Variants in APOO observed in about 807,000 individuals in gnomAD.
The protein encoded by APOO is apolipoprotein O, also known as MICOS complex subunit MIC26.
Under a neutral mutation model 23.1 loss-of-function variants are expected in APOO, and 11 were observed. That is an observed-to-expected ratio of 0.48 (90% CI 0.30 to 0.79). APOO has a LOEUF of 0.79. Among genes scored for constraint, APOO ranks in the 30% least tolerant of loss-of-function variants. The probability of loss-of-function intolerance (pLI) is 0.07; values close to 1 mark genes in which losing one functional copy is unlikely to be tolerated. For missense variants in APOO, 160 were observed against 142.7 expected (o/e 1.12, Z -0.62); for synonymous variants, 59 against 54.8 (o/e 1.08, Z -0.34).
intron 1 of APOO, among the ~76,000 whole-genome samples, chrX:23,881,791 A>C (rs1482205733): frequency 9.8e-6 from 1 of 101,866 alleles, no homozygotes; most frequent in Non-Finnish European, 2.0e-5. Context: ...ACAAAAAAAA[A>C]AAAAAAATTA....
At chrX:23,885,407 A>G (rs1470464419) in intron 1 of APOO, among the ~76,000 whole-genome samples, 1 of 105,692 alleles carries the variant, frequency 9.5e-6, no homozygotes, top group Non-Finnish European at 1.9e-5. Flanking sequence ...ATATATAAAT[A>G]TATAACTATA....
chrX:23,887,987 T>C (rs751397205), intron 1 of APOO, among the ~76,000 whole-genome samples: 2 of 112,118 alleles, frequency 1.8e-5, no homozygotes, highest in South Asian at 3.7e-4. Flanking sequence ...AAACGAAAAT[T>C]TGGCTTAAAG....
chrX:23,894,854 T>A (rs1926829010), intron 1 of APOO, among the ~76,000 whole-genome samples: 1 of 109,443 alleles, frequency 9.1e-6, no homozygotes, highest in African/African-American at 3.3e-5. Flanking sequence ...TGGTAAAGAA[T>A]AGAGAATGGG....
chrX:23,886,357 T>C (rs1332641921), intron 1 of APOO, among the ~76,000 whole-genome samples: 1 of 112,025 alleles, frequency 8.9e-6, no homozygotes, highest in Non-Finnish European at 1.9e-5. Context: ...ACAAGTGAAC[T>C]TTCTGGGGTG....
chrX:23,906,179 G>C (rs1249982812), intron 1 of APOO, among the ~76,000 whole-genome samples: 1 of 112,664 alleles, frequency 8.9e-6, no homozygotes, highest in Non-Finnish European at 1.9e-5. Flanking sequence ...CCCAGACATG[G>C]GAGTGAAGCC....
intron 7 of APOO, among the ~76,000 whole-genome samples, chrX:23,847,283 G>A (rs1924287023): frequency 9.0e-6 from 1 of 111,721 alleles, no homozygotes; most frequent in African/African-American, 3.2e-5. Context: ...TATCAAATAT[G>A]TTTAAATCTA....
At chrX:23,886,804 T>C (rs929328341) in intron 1 of APOO, among the ~76,000 whole-genome samples, 7 of 111,823 alleles carry the variant, frequency 6.3e-5, no homozygotes, top group African/African-American at 2.3e-4. Flanking sequence ...TCATCACAAA[T>C]GGCCATCTTC....
At chrX:23,846,301 A>T (rs1601885737) in intron 7 of APOO, among the ~76,000 whole-genome samples, 2 of 71,807 alleles carry the variant, frequency 2.8e-5, no homozygotes, top group African/African-American at 1.3e-4. Context: ...ACAGAGCGAG[A>T]CTCCATCTCA....
intron 1 of APOO, among the ~76,000 whole-genome samples, chrX:23,881,325 T>G (rs1363942585): frequency 9.2e-6 from 1 of 109,104 alleles, no homozygotes; most frequent in East Asian, 2.9e-4. Context: ...TTCGCCCGCC[T>G]CGGCCTCCCA....
At chrX:23,883,576 G>A (rs775775562) in intron 1 of APOO, 70 of 111,607 alleles carry the variant, frequency 6.3e-4, no homozygotes, top group African/African-American at 2.1e-3. Context: ...CATCCTCCAA[G>A]CCCACGTGTG....
intron 4 of APOO, 37 bp downstream of exon 4, chrX:23,874,366 G>A: frequency 8.8e-7 from 1 of 1,134,599 alleles, no homozygotes; most frequent in Non-Finnish European, 1.2e-6. Flanking sequence ...CAATGTTAAT[G>A]AAGTAGCTGA....
At chrX:23,842,801 G>T in intron 7 of APOO, among the ~76,000 whole-genome samples, 1 of 112,259 alleles carries the variant, frequency 8.9e-6, no homozygotes, top group East Asian at 2.8e-4. Context: ...CTGAGGTCAG[G>T]AGTTCGAGAC....
In APOO at chrX:23,868,648, A is replaced by G; in HGVS notation, c.333T>C (p.Phe111=). 5.0e-6 allele frequency: 6 copies of G among 1,210,036 alleles called. No individual in the cohort carries two copies. Among genetic ancestry groups the G allele is most frequent in the Non-Finnish European group, 6.7e-6 (6 of 894,851 alleles). Residue 111 remains phenylalanine, a synonymous_variant, in exon 5 of 9, where the codon TTT becomes TTC. Transcript: ENST00000379226. The stretch of plus-strand genomic sequence containing the variant: ...CAAAACCAATAACACCAAGTCTCGG[A>G]AAAAATCCAGGAGGTGCATTTTGGA... ...DYLQNAPPGF[F]PRLGVIGFAG... is the part of the protein sequence containing the mutation.
chrX:23,875,862 C>T (rs955047617), intron 3 of APOO, among the ~76,000 whole-genome samples: 3 of 111,325 alleles, frequency 2.7e-5, no homozygotes, highest in East Asian at 2.8e-4. Flanking sequence ...CATTATTTCA[C>T]GCCTGTAATC....
chrX:23,871,332 C>T (rs2147005835), intron 4 of APOO, among the ~76,000 whole-genome samples: 1 of 100,028 alleles, frequency 1.0e-5, no homozygotes, highest in African/African-American at 3.7e-5. Flanking sequence ...CACTGCACTC[C>T]AGCCTGTGCG....
At chrX:23,886,318 G>A (rs887825733) in intron 1 of APOO, among the ~76,000 whole-genome samples, 3 of 111,692 alleles carry the variant, frequency 2.7e-5, no homozygotes, top group Non-Finnish European at 3.8e-5. Flanking sequence ...GGTGGGAGTT[G>A]GAAGGAAGTG....
chrX:23,838,945 C>T (rs915054326), intron 8 of APOO, among the ~76,000 whole-genome samples: 1 of 111,374 alleles, frequency 9.0e-6, no homozygotes, highest in Non-Finnish European at 1.9e-5. Flanking sequence ...TGTCCCTGTA[C>T]AGAAATATAT....
intron 8 of APOO, among the ~76,000 whole-genome samples, chrX:23,839,725 A>C (rs769871079): frequency 9.0e-6 from 1 of 111,465 alleles, no homozygotes; most frequent in South Asian, 3.7e-4. Flanking sequence ...CCTTTTTTTC[A>C]TTTAACAATA....
chrX:23,853,544 G>A (rs1002010063), intron 7 of APOO, among the ~76,000 whole-genome samples: 6 of 109,924 alleles, frequency 5.5e-5, no homozygotes, highest in African/African-American at 1.3e-4. Flanking sequence ...TCCTGACCTC[G>A]TGATCCGCCC....
Sources: gnomAD v4.1 joint callset for allele counts (sites outside exome capture counted in the v4.1 genomes callset) on GRCh38, gnomAD v4.1.1 for gene constraint, MANE v1.5 for transcripts, NCBI Gene and HGNC (gene_info 2026-07-23, HGNC 2026-07-21) for gene names.